The following NTM variants were observed in gnomAD, a reference collection of about 807,000 sequenced individuals.
NTM encodes IgLON family member 2.
NTM carries 13 observed loss-of-function variants against 42.1 expected under a neutral mutation model. That is an observed-to-expected ratio of 0.31 (90% CI 0.20 to 0.49). NTM has a LOEUF of 0.49. Among genes scored for constraint, NTM ranks in the 20% least tolerant of loss-of-function variants. The probability of loss-of-function intolerance (pLI) is 0.99; values close to 1 mark genes in which losing one functional copy is unlikely to be tolerated. For missense variants in NTM, 373 were observed against 452.8 expected (o/e 0.82, Z 1.60); for synonymous variants, 187 against 179.2 (o/e 1.04, Z -0.35).
chr11:131,808,724 G>A (rs1389269104), intron 1 of NTM, among the ~76,000 whole-genome samples: 1 of 152,142 alleles, frequency 6.6e-6, no homozygotes, highest in Non-Finnish European at 1.5e-5. Context: ...CACGTGCAAA[G>A]CTTTGACAAG....
At chr11:132,198,847 G>A (rs1425013184) in intron 3 of NTM, among the ~76,000 whole-genome samples, 1 of 152,236 alleles carries the variant, frequency 6.6e-6, no homozygotes, top group Non-Finnish European at 1.5e-5. Flanking sequence ...GGTGGACAGA[G>A]TTGGCAAATT....
At chr11:131,715,387 A>G (rs1292967103) in intron 1 of NTM, among the ~76,000 whole-genome samples, 2 of 152,222 alleles carry the variant, frequency 1.3e-5, no homozygotes, top group African/African-American at 4.8e-5. Context: ...GGGACAAATA[A>G]GAGGAAGAAT....
chr11:131,878,559 G>A (rs1263771040), intron 1 of NTM, among the ~76,000 whole-genome samples: 1 of 96,122 alleles, frequency 1.0e-5, no homozygotes, highest in African/African-American at 4.5e-5. Flanking sequence ...GACAGAGGGA[G>A]ACTCCATCTC....
intron 2 of NTM, among the ~76,000 whole-genome samples, chr11:132,051,961 G>A (rs2078915558): frequency 6.6e-6 from 1 of 152,174 alleles, no homozygotes; most frequent in Non-Finnish European, 1.5e-5. Flanking sequence ...GATGTTACTA[G>A]TTGGTCCATT....
chr11:131,919,337 C>T (rs1332345471), intron 2 of NTM, among the ~76,000 whole-genome samples: 1 of 152,044 alleles, frequency 6.6e-6, no homozygotes, highest in Non-Finnish European at 1.5e-5. Flanking sequence ...AAATAATAAG[C>T]AATACTACCA....
chr11:131,426,830 A>G (rs1217405699), intron 1 of NTM, among the ~76,000 whole-genome samples: 2 of 152,110 alleles, frequency 1.3e-5, no homozygotes, highest in Non-Finnish European at 2.9e-5. Context: ...GCAGTGGAGT[A>G]AATTGAGTTC....
At chr11:131,671,352 C>CT (rs978415123) in intron 1 of NTM, 2 of 884,790 alleles carry the variant, frequency 2.3e-6, no homozygotes, top group African/African-American at 3.6e-5. Flanking sequence ...TCACTGCACA[C>CT]TTTATTTATG....
At chr11:132,238,168 C>T (rs1274768030) in intron 4 of NTM, among the ~76,000 whole-genome samples, 1 of 152,080 alleles carries the variant, frequency 6.6e-6, no homozygotes, top group African/African-American at 2.4e-5. Flanking sequence ...TTGATATACC[C>T]TTAATCGGCG....
chr11:131,563,241 C>A (rs1287815657), intron 1 of NTM, among the ~76,000 whole-genome samples: 1 of 152,160 alleles, frequency 6.6e-6, no homozygotes, highest in Non-Finnish European at 1.5e-5. Flanking sequence ...TCACTGGAGC[C>A]TTAGCTCCAA....
intron 1 of NTM, among the ~76,000 whole-genome samples, chr11:131,452,670 G>A (rs1017837787): frequency 2.0e-5 from 3 of 152,148 alleles, no homozygotes; most frequent in Non-Finnish European, 2.9e-5. Flanking sequence ...AGGCTGAAGG[G>A]CTTCTTGGCT....
intron 2 of NTM, among the ~76,000 whole-genome samples, chr11:131,971,735 C>T (rs1364403985): frequency 8.8e-6 from 1 of 113,520 alleles, no homozygotes; most frequent in Non-Finnish European, 1.7e-5. Context: ...TGAGACCCCA[C>T]CTCTACAAAA....
intron 3 of NTM, among the ~76,000 whole-genome samples, chr11:132,198,442 C>T (rs1036873166): frequency 6.6e-6 from 1 of 152,128 alleles, no homozygotes; most frequent in African/African-American, 2.4e-5. Flanking sequence ...CTCAAGCCAT[C>T]CTCCCACCTC....
At chr11:132,254,096 T>C (rs2139421565) in intron 4 of NTM, among the ~76,000 whole-genome samples, 1 of 152,262 alleles carries the variant, frequency 6.6e-6, no homozygotes, top group Admixed American at 6.5e-5. Flanking sequence ...CTATCCAGAC[T>C]CTTCCTGTCC....
chr11:131,422,210 AG>A (rs560678657), intron 1 of NTM, among the ~76,000 whole-genome samples: 20 of 31,690 alleles, frequency 6.3e-4, no homozygotes, highest in Non-Finnish European at 1.7e-3. Context: ...ATCTGAGAAC[AG>A]TCACATTTGA....
chr11:131,563,897 C>A (rs2512647), intron 1 of NTM, among the ~76,000 whole-genome samples: 1 of 152,026 alleles, frequency 6.6e-6, no homozygotes, highest in Non-Finnish European at 1.5e-5. Context: ...CCATCTCTAC[C>A]GTTCCTTCGC....
intron 1 of NTM, among the ~76,000 whole-genome samples, chr11:131,621,979 A>C (rs886078768): frequency 6.6e-6 from 1 of 152,210 alleles, no homozygotes; most frequent in Non-Finnish European, 1.5e-5. Context: ...TCTCTTTGGA[A>C]GTCTCTCCTT....
chr11:131,520,233 G>A (rs912877017), intron 1 of NTM, among the ~76,000 whole-genome samples: 6 of 152,148 alleles, frequency 3.9e-5, no homozygotes, highest in Non-Finnish European at 8.8e-5. Flanking sequence ...TCTAGCACAT[G>A]GAGGCATAGT....
chr11:131,898,213 G>T (rs1039369581), intron 1 of NTM, among the ~76,000 whole-genome samples: 1 of 152,152 alleles, frequency 6.6e-6, no homozygotes, highest in African/African-American at 2.4e-5. Flanking sequence ...TAAATAATAA[G>T]AATGTGGGAA....
intron 2 of NTM, among the ~76,000 whole-genome samples, chr11:132,116,670 G>C (rs936538892): frequency 1.3e-5 from 2 of 152,176 alleles, no homozygotes; most frequent in African/African-American, 4.8e-5. Context: ...ATGGAAGGAA[G>C]GCATGCATAG....
Sources: allele counts gnomAD v4.1 joint callset (sites outside exome capture counted in the v4.1 genomes callset), GRCh38; gene constraint gnomAD v4.1.1; transcripts MANE v1.5; gene names NCBI Gene and HGNC (gene_info 2026-07-23, HGNC 2026-07-21).